F9: variants seen among roughly 807,000 people sequenced by gnomAD.
The protein encoded by F9 is Christmas factor.
F9 carries 2 observed loss-of-function variants against 34.1 expected under a neutral mutation model. That is an observed-to-expected ratio of 0.06 (90% confidence interval 0.02 to 0.18). The LOEUF (loss-of-function observed/expected upper bound fraction) is 0.18. Among genes scored for constraint, F9 ranks in the 10% least tolerant of loss-of-function variants. The probability of loss-of-function intolerance (pLI) is 1.00; values close to 1 mark genes in which losing one functional copy is unlikely to be tolerated. For synonymous variants in F9, 137 were observed against 118.8 expected (o/e 1.15, Z -1.00); for missense variants, 216 against 345.1 (o/e 0.63, Z 2.96).
At chrX:139,549,639 T>C (rs926078304) in intron 5 of F9, among the ~76,000 whole-genome samples, 3 of 112,750 alleles carry the variant, frequency 2.7e-5, no homozygotes, top group African/African-American at 9.6e-5. Flanking sequence ...TATGCAATTG[T>C]CTGTGGTTTA....
intron 6 of F9, among the ~76,000 whole-genome samples, chrX:139,558,991 A>G (rs1928034579): frequency 8.9e-6 from 1 of 111,950 alleles, no homozygotes; most frequent in African/African-American, 3.2e-5. Context: ...TCCTAGCTTT[A>G]CCAACTGATC....
rs1295265700 is a variant in F9 at position 139,563,354 on chromosome X, C to G, written c.*1283C>G. The G allele has an allele frequency of 8.9e-6, 1 of 111,856 alleles. No individual in the cohort carries two copies. Among genetic ancestry groups the G allele is most frequent in the Non-Finnish European group, 1.9e-5 (1 of 53,217 alleles). 9.2% of individuals were successfully genotyped at this position (111,856 alleles called of 1,213,427 possible). A position where few individuals can be genotyped will look rare whatever the true frequency, so the allele number is the denominator to read the frequency against. ...TTCTGGTTTCGTGTTCACCATGGAA[C>G]ATTTTGATTATAGTTAATCCTTCTA... is the stretch of plus-strand genomic sequence containing the variant. On this transcript the variant is annotated 3_prime_UTR_variant, in exon 8 of 8. Coordinates refer to ENST00000218099, the MANE Select transcript of F9 (RefSeq NM_000133.4).
At chrX:139,548,843 T>C (rs1406297296) in intron 5 of F9, among the ~76,000 whole-genome samples, 1 of 112,104 alleles carries the variant, frequency 8.9e-6, no homozygotes, top group African/African-American at 3.2e-5. Context: ...AATAATTGAG[T>C]GATAGGCTTC....
At chrX:139,551,785 A>C in intron 6 of F9, among the ~76,000 whole-genome samples, 1 of 111,793 alleles carries the variant, frequency 8.9e-6, no homozygotes, top group African/African-American at 3.3e-5. Context: ...GAACGTAGAA[A>C]TGCAAATTCT....
At chrX:139,535,425 C>T (rs1244019961) in intron 1 of F9, among the ~76,000 whole-genome samples, 1 of 111,618 alleles carries the variant, frequency 9.0e-6, no homozygotes, top group East Asian at 2.8e-4. Context: ...CCAAAAGGAA[C>T]TTGCAGAGCA....
Position 139,561,592 on chromosome X carries a change from C to T in F9, c.907C>T (p.His303Tyr), listed in dbSNP as rs1801202. 916 of 1,206,317 alleles carry T rather than the reference C, an allele frequency of 7.6e-4. 2 individuals carry two copies. The highest frequency in any genetic ancestry group is 9.6e-4 in the Non-Finnish European group (856 of 892,587). ...KRNVIRIIPHHNYNAAINKYN... is the reference protein window; with the variant it reads ...KRNVIRIIPHYNYNAAINKYN... ...AAATGTGATTCGAATTATTCCTCAC[C>T]ACAACTACAATGCAGCTATTAATAA... Residue 303 changes from histidine to tyrosine, a missense_variant, in exon 8 of 8, where the codon CAC (histidine) becomes TAC (tyrosine). By Grantham distance (83) the His-to-Tyr change is moderately conservative. Around this residue, in one of 2 missense-constraint regions of F9, gnomAD observed 177 missense variants for 311.8 expected, o/e 0.57. Transcript: ENST00000218099.
intron 4 of F9, chrX:139,544,810 C>T (rs1312684711): frequency 9.0e-6 from 1 of 111,645 alleles, no homozygotes; most frequent in Admixed American, 9.5e-5. Flanking sequence ...TCCAATAAGT[C>T]AAATTGGCCT....
chrX:139,552,512 A>T (rs767547678), intron 6 of F9, among the ~76,000 whole-genome samples: 3 of 111,956 alleles, frequency 2.7e-5, no homozygotes, highest in South Asian at 3.8e-4. Context: ...GATGGTCCTT[A>T]TATAAAGTTG....
At position 139,561,813 on chromosome X, in the gene F9, T is replaced by G. The variant is rs1928118214; in HGVS notation, c.1128T>G (p.Leu376=). The part of the protein sequence containing the change: ...ALVLQYLRVP[L]VDRATCLRST... ...TTCTTCAGTACCTTAGAGTTCCACT[T>G]GTTGACCGAGCCACATGTCTTCGAT... Residue 376 remains leucine (L), a synonymous_variant, in exon 8 of 8, where the codon CTT becomes CTG. Coordinates refer to ENST00000218099, the MANE Select transcript of F9 (RefSeq NM_000133.4). 3 of 1,210,302 alleles carry G rather than the reference T, an allele frequency of 2.5e-6. No homozygotes were observed. The highest frequency in any genetic ancestry group is 3.4e-6 in the Non-Finnish European group (3 of 895,351).
At chrX:139,552,186 C>T (rs1927861562) in intron 6 of F9, among the ~76,000 whole-genome samples, 1 of 110,854 alleles carries the variant, frequency 9.0e-6, no homozygotes, top group Admixed American at 9.6e-5. Context: ...AGAGTAAGAC[C>T]CTATCTCAAA....
chrX:139,549,049 C>A (rs1332473744), intron 5 of F9, among the ~76,000 whole-genome samples: 1 of 111,172 alleles, frequency 9.0e-6, no homozygotes, highest in East Asian at 2.8e-4. Context: ...CAATGTTTCC[C>A]AGTCATGCCA....
intron 6 of F9, among the ~76,000 whole-genome samples, chrX:139,560,114 C>T (rs1175025760): frequency 8.9e-6 from 1 of 111,863 alleles, no homozygotes; most frequent in Non-Finnish European, 1.9e-5. Context: ...GCTTACTATC[C>T]AGCCAGAGGG....
chrX:139,557,440 A>G (rs1003300075), intron 6 of F9, among the ~76,000 whole-genome samples: 9 of 111,796 alleles, frequency 8.1e-5, no homozygotes, highest in African/African-American at 2.0e-4. Flanking sequence ...AAAGAACACA[A>G]CCATATTTCT....
chrX:139,549,099 AC>A (rs1305650712), intron 5 of F9, among the ~76,000 whole-genome samples: 1 of 111,724 alleles, frequency 9.0e-6, no homozygotes, highest in African/African-American at 3.3e-5. Flanking sequence ...TGTATTCAGA[AC>A]ATCTCCACTC....
intron 3 of F9, among the ~76,000 whole-genome samples, 191 bp from the exon 4 acceptor site, chrX:139,540,885 A>T (rs1037370647): frequency 1.8e-5 from 2 of 111,201 alleles, no homozygotes; most frequent in African/African-American, 6.5e-5. Flanking sequence ...CAGCCTAAGG[A>T]TCTTTGTTTG....
At chrX:139,550,351 A>C (rs1228417630) in intron 5 of F9, among the ~76,000 whole-genome samples, 2 of 112,262 alleles carry the variant, frequency 1.8e-5, no homozygotes, top group East Asian at 2.8e-4. Context: ...GCTTGAAGGA[A>C]AGTGATAAAT....
chrX:139,548,621 G>A, intron 5 of F9, 130 bp downstream of exon 5: 1 of 624,816 alleles, frequency 1.6e-6, no homozygotes, highest in Non-Finnish European at 2.3e-6. Flanking sequence ...TCAGTAGCTT[G>A]AATTAGACCA....
At chrX:139,546,475 T>C (rs1424133493) in intron 4 of F9, among the ~76,000 whole-genome samples, 1 of 111,905 alleles carries the variant, frequency 8.9e-6, no homozygotes, top group Non-Finnish European at 1.9e-5. Flanking sequence ...GAAATTACAC[T>C]TCAATGCAGA....
At chrX:139,554,979 A>C (rs746376030) in intron 6 of F9, among the ~76,000 whole-genome samples, 1 of 112,042 alleles carries the variant, frequency 8.9e-6, no homozygotes, top group African/African-American at 3.2e-5. Context: ...GAAAAGGTGT[A>C]GGTGAGCTGT....
Sources: allele counts gnomAD v4.1 joint callset (sites outside exome capture counted in the v4.1 genomes callset), GRCh38; gene constraint gnomAD v4.1.1; regional missense constraint gnomAD v4.1.1; transcripts MANE v1.5; gene names NCBI Gene and HGNC (gene_info 2026-07-23, HGNC 2026-07-21).